The following CENPC variants were observed in gnomAD, a reference collection of about 807,000 sequenced individuals.
CENPC encodes centromere protein C.
CENPC carries 63 observed loss-of-function variants against 112.1 expected under a neutral mutation model. The ratio of observed to expected loss-of-function variants is 0.56; its 90% CI spans 0.46 to 0.69. The LOEUF (loss-of-function observed/expected upper bound fraction) is 0.69. Among genes scored for constraint, CENPC ranks in the 30% least tolerant of loss-of-function variants. CENPC has a pLI of 0.00. For synonymous variants in CENPC, 333 were observed against 367.6 expected, an observed-to-expected ratio of 0.91 and a Z score of 1.08; for missense variants, 1,000 against 1,103.8, an observed-to-expected ratio of 0.91 and a Z score of 1.33.
Position 67,518,359 on chromosome 4 carries a change from A to T in CENPC, c.627T>A (p.Phe209Leu). ...TTTTCTTTAACATAACTTTATCATC[A>T]AAGTTTAACCTAAAAGGTTAAAAGG... ...VSVKTKKRLN[F>L]DDKVMLKKIE... is the part of the protein sequence containing the mutation. Residue 209 changes from phenylalanine to leucine, a missense_variant, in exon 7 of 19, where the codon TTT becomes TTA. By Grantham distance (22) the Phe-to-Leu change is conservative. Coordinates refer to ENST00000273853, the MANE Select transcript of CENPC (RefSeq NM_001812.4). 6.6e-7 allele frequency: 1 copy of T among 1,525,792 alleles called. No homozygotes were observed. The highest frequency in any genetic ancestry group is 8.8e-7 in the Non-Finnish European group (1 of 1,140,520). 94.5% of individuals were successfully genotyped at this position (1,525,792 alleles called of 1,614,324 possible).
At chr4:67,473,288 A>T (rs1248005115) in intron 18 of CENPC, among the ~76,000 whole-genome samples, 1 of 152,198 alleles carries the variant, frequency 6.6e-6, no homozygotes, top group African/African-American at 2.4e-5. Flanking sequence ...GGTAACAAAT[A>T]ACAGCAAAAG....
chr4:67,534,347 C>A (rs2646268), intron 4 of CENPC, among the ~76,000 whole-genome samples: 95,289 of 151,374 alleles, frequency 0.63, 30,190 homozygotes, highest in East Asian at 0.81. Flanking sequence ...ACCCGGGAGG[C>A]AGAGATTGCA....
intron 10 of CENPC, among the ~76,000 whole-genome samples, chr4:67,508,166 T>A (rs1725788336): frequency 6.6e-6 from 1 of 152,160 alleles, no homozygotes; most frequent in Non-Finnish European, 1.5e-5. Context: ...ATCACATTAA[T>A]CTCACTTAAA....
intron 12 of CENPC, among the ~76,000 whole-genome samples, chr4:67,503,532 C>G (rs907279780): frequency 1.1e-4 from 17 of 152,226 alleles, no homozygotes; most frequent in African/African-American, 4.1e-4. Flanking sequence ...AGAAATTAAG[C>G]TGGAGGGCAG....
At chr4:67,497,834 G>C (rs1725483063) in intron 12 of CENPC, among the ~76,000 whole-genome samples, 1 of 148,564 alleles carries the variant, frequency 6.7e-6, no homozygotes, top group South Asian at 2.3e-4. Context: ...CCAGCCAAAA[G>C]TTATGTCTAT....
intron 8 of CENPC, among the ~76,000 whole-genome samples, chr4:67,513,366 T>C (rs1445164814): frequency 6.6e-6 from 1 of 152,206 alleles, no homozygotes; most frequent in Non-Finnish European, 1.5e-5. Flanking sequence ...TGGTAATTAA[T>C]GAGCATTATA....
chr4:67,541,124 CAT>C, intron 2 of CENPC, 74 bp from the exon 3 acceptor site: 5 of 877,660 alleles, frequency 5.7e-6, no homozygotes, highest in East Asian at 2.7e-5. Context: ...GAAAATTCCA[CAT>C]CTCATTATAA....
intron 12 of CENPC, among the ~76,000 whole-genome samples, chr4:67,496,853 G>A (rs1200345987): frequency 6.6e-6 from 1 of 151,992 alleles, no homozygotes; most frequent in Middle Eastern, 3.2e-3. Flanking sequence ...GGTATGTGAA[G>A]TCTAGCTTAA....
In CENPC at chr4:67,472,382, TATC is replaced by T. The variant is rs1201974010; in HGVS notation, c.*220_*222del. The T allele has an allele frequency of 9.4e-5, 38 of 403,490 alleles. No homozygotes were observed. The highest frequency in any genetic ancestry group is 5.1e-4 in the Admixed American group (10 of 19,514). The allele number at this position is 403,490 out of a possible 1,614,324, so 25.0% of individuals were successfully genotyped here. On this transcript the variant is annotated 3_prime_UTR_variant, in exon 19 of 19. Coordinates refer to ENST00000273853, the MANE Select transcript of CENPC (RefSeq NM_001812.4). ...TATTCTTGTCAAATTATAAAAATAA[TATC>T]ATAAATATGGACATCGCTACAAGCT...
chr4:67,543,471 T>C (rs1726943931), intron 2 of CENPC, among the ~76,000 whole-genome samples: 1 of 152,208 alleles, frequency 6.6e-6, no homozygotes, highest in Admixed American at 6.5e-5. Flanking sequence ...CCTAATTATA[T>C]ATAGGCCTAC....
In CENPC at chr4:67,543,277, A is replaced by G. The variant is rs189369918; in HGVS notation, c.65+872T>C. On this transcript the variant is annotated intron_variant, in intron 2 of 18. Coordinates refer to ENST00000273853, the MANE Select transcript of CENPC (RefSeq NM_001812.4). Reference sequence around the variant, plus strand: ...TCAGGTCTCTCTGCTACTGACAAATATATGTATTCCTACTTTGGTTCCTTC... The same window carrying G: ...TCAGGTCTCTCTGCTACTGACAAATGTATGTATTCCTACTTTGGTTCCTTC... 6.6e-5 allele frequency among the ~76,000 whole-genome samples: 10 copies of G among 152,336 alleles called. No homozygotes were observed. In the East Asian group the frequency reaches 9.6e-4, roughly 15 times the overall value.
At chr4:67,511,904 C>A (rs1278991226) in intron 9 of CENPC, 2 of 152,660 alleles carry the variant, frequency 1.3e-5, no homozygotes, top group African/African-American at 4.8e-5. Context: ...GCACTGCATC[C>A]TTTCACTGTA....
At chr4:67,540,210 T>G (rs892833001) in intron 3 of CENPC, among the ~76,000 whole-genome samples, 4 of 152,214 alleles carry the variant, frequency 2.6e-5, no homozygotes, top group African/African-American at 9.7e-5. Flanking sequence ...CTGCCCCTAT[T>G]TCTTTGGCTG....
chr4:67,514,626 A>G lies in CENPC; in HGVS notation c.892T>C (p.Leu298=), dbSNP rs765288958. The G allele has an allele frequency of 6.8e-6, 11 of 1,607,660 alleles. No individual in the cohort carries two copies. The highest frequency in any genetic ancestry group is 2.2e-5 in the East Asian group (1 of 44,626). The change falls in exon 8 of 19, where the codon TTG becomes CTG. Residue 298 remains leucine (L), a synonymous_variant. Transcript: ENST00000273853. ...PHSCPPDDTK[L]IEDEFIIDES... is the part of the protein sequence containing the mutation. ...TCAATTATAAATTCATCCTCTATCA[A>G]CTTCGTATCATCGGGAGGACACGAA...
At chr4:67,478,830 C>T (rs1468741117) in intron 17 of CENPC, among the ~76,000 whole-genome samples, 2 of 152,090 alleles carry the variant, frequency 1.3e-5, no homozygotes. Context: ...AAAAGACTCA[C>T]TTAACACATA....
Position 67,514,453 on chromosome 4 carries a change from A to G in CENPC, c.1065T>C (p.Pro355=), listed in dbSNP as rs1725994140. Residue 355 remains proline, a synonymous_variant, in exon 8 of 19, where the codon CCT becomes CCC. Transcript: ENST00000273853. ...KSREKHHNIL[P]KTLANDKHSH... ...AATGTTTGTCATTTGCCAAAGTCTTAGGTAATATATTATGATGCTTTTCTC... is the reference window on the plus strand; with the variant it reads ...AATGTTTGTCATTTGCCAAAGTCTTGGGTAATATATTATGATGCTTTTCTC... 3 of 1,613,622 alleles carry G rather than the reference A, an allele frequency of 1.9e-6. No homozygotes were observed. Among genetic ancestry groups the G allele is most frequent in the African/African-American group, 1.3e-5 (1 of 75,060 alleles).
At chr4:67,506,413 T>C (rs1033831947) in intron 11 of CENPC, among the ~76,000 whole-genome samples, 23 of 152,188 alleles carry the variant, frequency 1.5e-4, no homozygotes, top group Non-Finnish European at 8.8e-5. Context: ...TCTTGGAGCA[T>C]TTGCTTTGTG....
chr4:67,521,253 G>A (rs182897216), intron 5 of CENPC, among the ~76,000 whole-genome samples: 13 of 144,028 alleles, frequency 9.0e-5, no homozygotes, highest in Admixed American at 5.0e-4. Context: ...TAAATGAGAT[G>A]AATCAGATTT....
At chr4:67,477,766 G>C (rs1724844035) in intron 17 of CENPC, among the ~76,000 whole-genome samples, 1 of 152,036 alleles carries the variant, frequency 6.6e-6, no homozygotes, top group African/African-American at 2.4e-5. Flanking sequence ...GGAGGCACCA[G>C]AGAAAGATGA....
Sources: gnomAD v4.1 joint callset for allele counts (sites outside exome capture counted in the v4.1 genomes callset) on GRCh38, gnomAD v4.1.1 for gene constraint, MANE v1.5 for transcripts, NCBI Gene and HGNC (gene_info 2026-07-23, HGNC 2026-07-21) for gene names.